Variants in PYCARD observed in about 807,000 individuals in gnomAD.
PYCARD encodes the protein apoptosis-associated speck-like protein containing a CARD.
PYCARD carries 10 observed loss-of-function variants against 10.0 expected under a neutral mutation model. The observed-to-expected ratio is 1.00, with a 90% confidence interval of 0.62 to 1.69. PYCARD has a LOEUF of 1.69. Ranked by LOEUF, PYCARD falls within the 40% of genes most tolerant of loss-of-function variation. PYCARD has a pLI of 0.00. For synonymous variants in PYCARD, 121 were observed against 122.3 expected (o/e 0.99, Z 0.07); for missense variants, 239 against 260.2 (o/e 0.92, Z 0.56).
rs2079449500 is a variant in PYCARD, at chr16:31,202,301, C to T, written c.275-98G>A. 6.5e-7 allele frequency: 1 copy of T among 1,547,574 alleles called. No homozygotes were observed. The highest frequency in any genetic ancestry group is 2.4e-5 in the East Asian group (1 of 41,740). On this transcript the variant is annotated intron_variant, in intron 1 of 2. Coordinates refer to ENST00000247470, the MANE Select transcript of PYCARD (RefSeq NM_013258.5). The surrounding 1 kb of genome is among the most constrained non-coding windows in gnomAD (Gnocchi z 4.5). ...AGGCCAAGCGTGGGGAGCCTCCTTT[C>T]CGGTAGAGCAGCTTTGTTTAGGGGT...
In PYCARD at chr16:31,202,012, G is replaced by A. The variant is rs529888828; in HGVS notation, c.331+135C>T. 31 of 1,453,106 alleles carry A rather than the reference G, an allele frequency of 2.1e-5. No homozygotes were observed. In the East Asian group the frequency reaches 6.4e-4, roughly 30 times the overall value. The allele number at this position is 1,453,106 out of a possible 1,614,324, so 90.0% of individuals were successfully genotyped here. ...GTAATATTGTCTCCCTTCCCCCGCA[G>A]GGTGTGGGTTGGTGGGTGGGGTGCG... is the stretch of plus-strand genomic sequence containing the variant. On this transcript the variant is annotated intron_variant, in intron 2 of 2. Coordinates refer to ENST00000247470, the MANE Select transcript of PYCARD (RefSeq NM_013258.5). This position sits in a 1 kb window ranked among gnomAD's most constrained non-coding sequence, Gnocchi z 4.5.
rs1465270560 is a variant in PYCARD, at chr16:31,201,573, T to C, written c.*12A>G. On this transcript the variant is annotated 3_prime_UTR_variant, in exon 3 of 3. Coordinates refer to ENST00000247470, the MANE Select transcript of PYCARD (RefSeq NM_013258.5). ...TGCCAGGGGCTGACCGGAGTGTTGC[T>C]GGGAAGGAGCCTCAGCTCCGCTCCA... 6.2e-7 allele frequency: 1 copy of C among 1,608,112 alleles called. No individual in the cohort carries two copies. Among genetic ancestry groups the C allele is most frequent in the Admixed American group, 1.7e-5 (1 of 59,600 alleles).
At position 31,202,640 on chromosome 16, in the gene PYCARD, G is replaced by A. The variant is rs776987836; in HGVS notation, c.51C>T (p.Ala17=). The A allele has an allele frequency of 6.2e-7, 1 of 1,609,656 alleles. No individual in the cohort carries two copies. The highest frequency in any genetic ancestry group is 1.1e-5 in the South Asian group (1 of 90,916). Residue 17 remains alanine, a synonymous_variant, in exon 1 of 3, where the codon GCC becomes GCT. Transcript: ENST00000247470. This position sits in a 1 kb window ranked among gnomAD's most constrained non-coding sequence, Gnocchi z 4.5. The stretch of plus-strand genomic sequence containing the variant: ...TCAGCTTGAACTTCTTGAGCTCCTC[G>A]GCGGTCAGGTTCTCCAGCGCATCCA... ...AILDALENLT[A]EELKKFKLKL...
At position 31,202,587 on chromosome 16, in the gene PYCARD, C is replaced by T. The variant is rs1264906779; in HGVS notation, c.104G>A (p.Gly35Asp). The change falls in exon 1 of 3, where the codon GGC (glycine) becomes GAC (aspartate). Residue 35 changes from glycine (G) to aspartate (D), a missense_variant. Transcript: ENST00000247470. The surrounding 1 kb of genome is among the most constrained non-coding windows in gnomAD (Gnocchi z 4.5). ...LKLLSVPLREGYGRIPRGALL... is the reference protein window; with the variant it reads ...LKLLSVPLREDYGRIPRGALL... Reference sequence around the variant, plus strand: ...CGCGCCCCGCGGGATGCGCCCGTAGCCCTCGCGCAGCGGCACCGACAGCAG... The same window carrying T: ...CGCGCCCCGCGGGATGCGCCCGTAGTCCTCGCGCAGCGGCACCGACAGCAG... 11 of 1,612,868 alleles carry T rather than the reference C, an allele frequency of 6.8e-6. No individual in the cohort carries two copies. Among genetic ancestry groups the T allele is most frequent in the Non-Finnish European group, 9.3e-6 (11 of 1,179,738 alleles).
chr16:31,202,055 G>GCCTGCCCTGC lies in PYCARD; in HGVS notation c.331+82_331+91dup, dbSNP rs750076158. 5.9e-4 allele frequency: 891 copies of GCCTGCCCTGC among 1,510,524 alleles called. 3 individuals carry two copies. Among genetic ancestry groups the GCCTGCCCTGC allele is most frequent in the Middle Eastern group, 5.7e-3 (24 of 4,198 alleles). The allele number at this position is 1,510,524 out of a possible 1,614,324, so 93.6% of individuals were successfully genotyped here. A position where few individuals can be genotyped will look rare whatever the true frequency, so the allele number is the denominator to read the frequency against. ...GGGGTGCGCAGGGTTGCCAAGCCGT[G>GCCTGCCCTGC]CCTGCCCTGCCCTGCCCTGCCCTGG... On this transcript the variant is annotated intron_variant, in intron 2 of 2. Coordinates refer to ENST00000247470, the MANE Select transcript of PYCARD (RefSeq NM_013258.5). The surrounding 1 kb of genome is among the most constrained non-coding windows in gnomAD (Gnocchi z 4.5).
Position 31,201,606 on chromosome 16 carries a change from C to T in PYCARD, c.567G>A (p.Val189=), listed in dbSNP as rs368844709. 16 of 1,613,746 alleles carry T rather than the reference C, an allele frequency of 9.9e-6. No homozygotes were observed. The highest frequency in any genetic ancestry group is 1.4e-5 in the Non-Finnish European group (16 of 1,179,700). Residue 189 remains valine, a synonymous_variant, in exon 3 of 3, where the codon GTG becomes GTA. Transcript: ENST00000247470. ...QALRESQSYL[V]EDLERS ...AGCCTCAGCTCCGCTCCAGGTCCTC[C>T]ACCAGGTAGGACTGGGACTCCCTTA... is the stretch of plus-strand genomic sequence containing the variant.
Position 31,201,591 on chromosome 16 carries a change from C to T in PYCARD, c.582G>A (p.Arg194=). 3 of 1,612,552 alleles carry T rather than the reference C, an allele frequency of 1.9e-6. No homozygotes were observed. Among genetic ancestry groups the T allele is most frequent in the South Asian group, 1.1e-5 (1 of 91,070 alleles). Residue 194 remains arginine (R), a synonymous_variant, in exon 3 of 3, where the codon CGG becomes CGA. Coordinates refer to ENST00000247470, the MANE Select transcript of PYCARD (RefSeq NM_013258.5). ...SQSYLVEDLE[R]S The stretch of plus-strand genomic sequence containing the variant: ...GTGTTGCTGGGAAGGAGCCTCAGCT[C>T]CGCTCCAGGTCCTCCACCAGGTAGG...
rs765381698 is a variant in PYCARD at position 31,202,537 on chromosome 16, G to C, written c.154C>G (p.Leu52Val). Residue 52 changes from leucine to valine, a missense_variant, in exon 1 of 3, where the codon CTC (leucine) becomes GTC (valine). Physicochemically the swap from Leu to Val is conservative, Grantham distance 32. Coordinates refer to ENST00000247470, the MANE Select transcript of PYCARD (RefSeq NM_013258.5). This position sits in a 1 kb window ranked among gnomAD's most constrained non-coding sequence, Gnocchi z 4.5. ...TAGAAGCTGACCAGCTTGTCGGTGA[G>C]GTCCAAGGCGTCCATGGACAGCAGC... ...GALLSMDALD[L>V]TDKLVSFYLE... 4 of 1,612,204 alleles carry C rather than the reference G, an allele frequency of 2.5e-6. 1 individual carries two copies. In the South Asian group the frequency reaches 4.4e-5, roughly 18 times the overall value.
chr16:31,202,005 C>T lies in PYCARD; in HGVS notation c.331+142G>A, dbSNP rs1596928264. The stretch of plus-strand genomic sequence containing the variant: ...GATGAGGGTAATATTGTCTCCCTTC[C>T]CCCGCAGGGTGTGGGTTGGTGGGTG... On this transcript the variant is annotated intron_variant, in intron 2 of 2. Transcript: ENST00000247470. The surrounding 1 kb of genome is among the most constrained non-coding windows in gnomAD (Gnocchi z 4.5). 4.1e-6 allele frequency: 6 copies of T among 1,448,582 alleles called. No individual in the cohort carries two copies. The highest frequency in any genetic ancestry group is 1.3e-5 in the South Asian group (1 of 75,114). The allele number at this position is 1,448,582 out of a possible 1,614,324, so 89.7% of individuals were successfully genotyped here.
At position 31,202,411 on chromosome 16, in the gene PYCARD, G is replaced by A; in HGVS notation, c.274+6C>T. 4 of 1,531,814 alleles carry A rather than the reference G, an allele frequency of 2.6e-6. No homozygotes were observed. Among genetic ancestry groups the A allele is most frequent in the Non-Finnish European group, 2.6e-6 (3 of 1,139,344 alleles). The allele number at this position is 1,531,814 out of a possible 1,614,324, so 94.9% of individuals were successfully genotyped here. The stretch of plus-strand genomic sequence containing the variant: ...GACGGGGTGGAGGGGAACGGGGGCG[G>A]CTCACCCTGGTGCGTGGCCGCCTGC... On this transcript the variant is annotated splice_donor_region_variant and intron_variant, in intron 1 of 2. Coordinates refer to ENST00000247470, the MANE Select transcript of PYCARD (RefSeq NM_013258.5). This position sits in a 1 kb window ranked among gnomAD's most constrained non-coding sequence, Gnocchi z 4.5.
In PYCARD at chr16:31,202,499, G is replaced by A. The variant is rs564464975; in HGVS notation, c.192C>T (p.Tyr64=). 3.7e-6 allele frequency: 6 copies of A among 1,604,826 alleles called. No individual in the cohort carries two copies. The South Asian group carries it at 6.7e-5, about 18-fold the overall frequency. ...GCACGTTAGCGGTGAGCTCGGCGCC[G>A]TAGGTCTCCAGGTAGAAGCTGACCA... is the stretch of plus-strand genomic sequence containing the variant. ...DKLVSFYLET[Y]GAELTANVLR... is the part of the protein sequence containing the mutation. The change falls in exon 1 of 3, where the codon TAC becomes TAT. Residue 64 remains tyrosine (Y), a synonymous_variant. Coordinates refer to ENST00000247470, the MANE Select transcript of PYCARD (RefSeq NM_013258.5). The surrounding 1 kb of genome is among the most constrained non-coding windows in gnomAD (Gnocchi z 4.5).
In PYCARD at chr16:31,202,062, C is replaced by G. The variant is rs1046786243; in HGVS notation, c.331+85G>C. ...GCAGGGTTGCCAAGCCGTGCCTGCC[C>G]TGCCCTGCCCTGCCCTGGTTGCGGG... On this transcript the variant is annotated intron_variant, in intron 2 of 2. Coordinates refer to ENST00000247470, the MANE Select transcript of PYCARD (RefSeq NM_013258.5). This position sits in a 1 kb window ranked among gnomAD's most constrained non-coding sequence, Gnocchi z 4.5. 1 of 1,524,374 alleles carries G rather than the reference C, an allele frequency of 6.6e-7. No individual in the cohort carries two copies. The highest frequency in any genetic ancestry group is 8.8e-7 in the Non-Finnish European group (1 of 1,137,046). 94.4% of individuals were successfully genotyped at this position (1,524,374 alleles called of 1,614,324 possible).
chr16:31,202,086 G>A lies in PYCARD; in HGVS notation c.331+61C>T, dbSNP rs941202729. On this transcript the variant is annotated intron_variant, in intron 2 of 2. Transcript: ENST00000247470. The surrounding 1 kb of genome is among the most constrained non-coding windows in gnomAD (Gnocchi z 4.5). ...CCTGCCCTGCCCTGCCCTGGTTGCG[G>A]GAGCACAGATGCAGGCTGTGCAGGA... 1.0e-5 allele frequency: 16 copies of A among 1,567,364 alleles called. No individual in the cohort carries two copies. The East Asian group carries it at 3.7e-4, about 36-fold the overall frequency.
rs2079449904 is a variant in PYCARD, at chr16:31,202,355, G to A, written c.274+62C>T. 8.5e-6 allele frequency: 13 copies of A among 1,531,592 alleles called. No homozygotes were observed. The highest frequency in any genetic ancestry group is 1.1e-5 in the Non-Finnish European group (13 of 1,142,622). 94.9% of individuals were successfully genotyped at this position (1,531,592 alleles called of 1,614,324 possible). On this transcript the variant is annotated intron_variant, in intron 1 of 2. Transcript: ENST00000247470. The surrounding 1 kb of genome is among the most constrained non-coding windows in gnomAD (Gnocchi z 4.5). ...AGGAACAGAAAGCGGAAGAGCCCGC[G>A]GGGTAAGCGCTGGTGTGGGTGGAGG...
rs2079447186 is a variant in PYCARD at position 31,202,069 on chromosome 16, G to A, written c.331+78C>T. ...TGCCAAGCCGTGCCTGCCCTGCCCT[G>A]CCCTGCCCTGGTTGCGGGAGCACAG... On this transcript the variant is annotated intron_variant, in intron 2 of 2. Coordinates refer to ENST00000247470, the MANE Select transcript of PYCARD (RefSeq NM_013258.5). This position sits in a 1 kb window ranked among gnomAD's most constrained non-coding sequence, Gnocchi z 4.5. 2.6e-6 allele frequency: 4 copies of A among 1,544,746 alleles called. No individual in the cohort carries two copies. In the South Asian group the frequency reaches 3.6e-5, roughly 14 times the overall value.
In PYCARD at chr16:31,202,706, G is replaced by T. The variant is rs1236364684; in HGVS notation, c.-16C>A. ...CGCGCCCCATGGCTCCAGGATCCCC[G>T]GCCGCTGCCGCCGCTCACCCCGCTG... On this transcript the variant is annotated 5_prime_UTR_variant, in exon 1 of 3. Transcript: ENST00000247470. The surrounding 1 kb of genome is among the most constrained non-coding windows in gnomAD (Gnocchi z 4.5). The T allele has an allele frequency of 6.5e-7, 1 of 1,531,970 alleles. No individual in the cohort carries two copies. The highest frequency in any genetic ancestry group is 1.4e-5 in the African/African-American group (1 of 72,448). 94.9% of individuals were successfully genotyped at this position (1,531,970 alleles called of 1,614,324 possible). A position where few individuals can be genotyped will look rare whatever the true frequency, so the allele number is the denominator to read the frequency against.
chr16:31,202,117 G>T lies in PYCARD; in HGVS notation c.331+30C>A. 6.2e-7 allele frequency: 1 copy of T among 1,600,596 alleles called. No individual in the cohort carries two copies. ...CAGATGCAGGCTGTGCAGGAGTGCGGTGGGGCCGGGCTGGGTGTGGAGGCC... is the reference window on the plus strand; with the variant it reads ...CAGATGCAGGCTGTGCAGGAGTGCGTTGGGGCCGGGCTGGGTGTGGAGGCC... On this transcript the variant is annotated intron_variant, in intron 2 of 2. Transcript: ENST00000247470. The surrounding 1 kb of genome is among the most constrained non-coding windows in gnomAD (Gnocchi z 4.5).
At chr16:31,201,936 G>GGC (rs947181876) in intron 2 of PYCARD, 95 bp from the exon 3 acceptor site, 9 of 1,552,964 alleles carry the variant, frequency 5.8e-6, no homozygotes, top group Non-Finnish European at 7.8e-6. Flanking sequence ...CAAGCCTAGG[G>GGC]GCAGGGCTCC....
chr16:31,202,230 C>A lies in PYCARD; in HGVS notation c.275-27G>T, dbSNP rs760379595. On this transcript the variant is annotated intron_variant, in intron 1 of 2. Coordinates refer to ENST00000247470, the MANE Select transcript of PYCARD (RefSeq NM_013258.5). The surrounding 1 kb of genome is among the most constrained non-coding windows in gnomAD (Gnocchi z 4.5). ...TGGAAGGATATGGGCCAAGTGATCC[C>A]CTTCCCTTCCCTTCCCGCCGTGGGG... is the stretch of plus-strand genomic sequence containing the variant. The A allele has an allele frequency of 1.3e-6, 2 of 1,594,712 alleles. No homozygotes were observed. Among genetic ancestry groups the A allele is most frequent in the East Asian group, 2.2e-5 (1 of 44,534 alleles).
Sources: allele counts gnomAD v4.1 joint callset, GRCh38; gene constraint gnomAD v4.1.1; non-coding constraint Gnocchi (gnomAD v3.1); transcripts MANE v1.5; gene names NCBI Gene and HGNC (gene_info 2026-07-23, HGNC 2026-07-21).